Variants in HENMT1 observed in about 807,000 individuals in gnomAD.
HENMT1 encodes the protein HEN methyltransferase 1, also known as small RNA 2'-O-methyltransferase.
A neutral mutation model predicts 31.1 loss-of-function variants in HENMT1; 27 were observed. The ratio of observed to expected loss-of-function variants is 0.87; its 90% CI spans 0.64 to 1.20. HENMT1 has a LOEUF of 1.20. Among genes scored for constraint, HENMT1 ranks in the 50% most tolerant of loss-of-function variants. The pLI is 0.00. For missense variants in HENMT1, 438 were observed against 469.6 expected, an observed-to-expected ratio of 0.93 and a Z score of 0.62; for synonymous variants, 167 against 172.2, an observed-to-expected ratio of 0.97 and a Z score of 0.24.
At position 108,648,854 on chromosome 1, in the gene HENMT1, A is replaced by G. The variant is rs1280921938; in HGVS notation, c.894T>C (p.Gly298=). 1 of 1,613,868 alleles carries G rather than the reference A, an allele frequency of 6.2e-7. No homozygotes were observed. Among genetic ancestry groups the G allele is most frequent in the Non-Finnish European group, 8.5e-7 (1 of 1,180,000 alleles). Residue 298 remains glycine, a synonymous_variant, in exon 8 of 8, where the codon GGT becomes GGC. Transcript: ENST00000651461. ...PRRKEQAGER[G]DKPKDIGGSK... is the part of the protein sequence containing the mutation. ...AGCCACCAATGTCTTTGGGCTTATC[A>G]CCCCGTTCCCCAGCCTGTTCTTTCC...
At chr1:108,650,026 C>A (rs762116670) in intron 7 of HENMT1, 185 bp downstream of exon 7, 2 of 692,220 alleles carry the variant, frequency 2.9e-6, no homozygotes, top group Non-Finnish European at 5.3e-6. Context: ...AAAGGCCAGG[C>A]AGTCTCAAAG....
intron 3 of HENMT1, among the ~76,000 whole-genome samples, chr1:108,656,066 A>G (rs1048717139): frequency 6.6e-6 from 1 of 152,192 alleles, no homozygotes; most frequent in African/African-American, 2.4e-5. Context: ...TATTCTCAGC[A>G]TATTTCAGCA....
Position 108,657,415 on chromosome 1 carries a change from C to A in HENMT1, c.150+36G>T, listed in dbSNP as rs757915482. ...CACCTCATATGACTAGTCTACTAGTCTTAATAATTAAATGTTTGGAAAGAG... is the reference window on the plus strand; with the variant it reads ...CACCTCATATGACTAGTCTACTAGTATTAATAATTAAATGTTTGGAAAGAG... On this transcript the variant is annotated intron_variant, in intron 3 of 7. Coordinates refer to ENST00000651461, the MANE Select transcript of HENMT1 (RefSeq NM_001102592.2). The A allele has an allele frequency of 4.0e-6, 6 of 1,515,458 alleles. No homozygotes were observed. In the South Asian group the frequency reaches 5.7e-5, roughly 14 times the overall value. The allele number at this position is 1,515,458 out of a possible 1,614,324, so 93.9% of individuals were successfully genotyped here.
chr1:108,660,841 A>G lies in HENMT1; in HGVS notation c.-79+122T>C, dbSNP rs1457521290. ...TGGGAGGCTGAGGCAGGAGAATGGC[A>G]TGAACCCGGGAGGCGGAGCTTGCAG... On this transcript the variant is annotated intron_variant, in intron 1 of 7. Transcript: ENST00000651461. 145 of 288,140 alleles carry G rather than the reference A, an allele frequency of 5.0e-4. 1 individual carries two copies. The highest frequency in any genetic ancestry group is 1.4e-3 in the Admixed American group (22 of 15,350). 17.8% of individuals were successfully genotyped at this position (288,140 alleles called of 1,614,324 possible).
At position 108,653,919 on chromosome 1, in the gene HENMT1, T is replaced by C. The variant is rs1658137201; in HGVS notation, c.398+797A>G. Among the ~76,000 whole-genome samples, 3 of 152,220 alleles carry C rather than the reference T, an allele frequency of 2.0e-5. No homozygotes were observed. The South Asian group carries it at 6.2e-4, about 31-fold the overall frequency. The stretch of plus-strand genomic sequence containing the variant: ...TTTCATATATTCCCATTTGTGTATT[T>C]CTGTTTGTAGCCTGTGCTTTTGTAG... On this transcript the variant is annotated intron_variant, in intron 5 of 7. Transcript: ENST00000651461.
intron 7 of HENMT1, among the ~76,000 whole-genome samples, 190 bp from the exon 8 acceptor site, chr1:108,649,181 G>A (rs766778906): frequency 5.3e-5 from 8 of 151,998 alleles, no homozygotes; most frequent in Non-Finnish European, 7.4e-5. Context: ...TTAACTATCC[G>A]ATTTGCTTTC....
rs772151366 is a variant in HENMT1 at position 108,648,646 on chromosome 1, C to G, written c.1102G>C (p.Asp368His). ...NEEMMRSVIA[D>H]SIPLSSDGSA... is the part of the protein sequence containing the mutation. ...CCATCACTGCTCAGAGGAATTGAGT[C>G]AGCAATGACTGATCTCATCATCTCT... The change falls in exon 8 of 8, where the codon GAC becomes CAC. Residue 368 changes from aspartate (D) to histidine (H), a missense_variant. By Grantham distance (81) the Asp-to-His change is moderately conservative. Coordinates refer to ENST00000651461, the MANE Select transcript of HENMT1 (RefSeq NM_001102592.2). 8 of 1,614,090 alleles carry G rather than the reference C, an allele frequency of 5.0e-6. No homozygotes were observed. In the African/African-American group the frequency reaches 1.1e-4, roughly 22 times the overall value.
intron 5 of HENMT1, among the ~76,000 whole-genome samples, chr1:108,652,534 CA>C (rs1461038899): frequency 6.6e-6 from 1 of 152,086 alleles, no homozygotes; most frequent in East Asian, 1.9e-4. Flanking sequence ...TAAATGTTAC[CA>C]AAACCGGGTC....
chr1:108,658,134 T>TATA lies in HENMT1; in HGVS notation c.22-556_22-555insTAT, dbSNP rs1491518690. ...ACACACACACATATATATATATATA[T>TATA]TTTTTTTTTCCCCCCAAGACGGAGT... On this transcript the variant is annotated intron_variant, in intron 2 of 7. Coordinates refer to ENST00000651461, the MANE Select transcript of HENMT1 (RefSeq NM_001102592.2). 2.5e-3 allele frequency among the ~76,000 whole-genome samples: 289 copies of TATA among 115,500 alleles called. 6 individuals carry two copies. Among genetic ancestry groups the TATA allele is most frequent in the African/African-American group, 9.9e-3 (272 of 27,520 alleles). The allele number at this position is 115,500 out of a possible 152,430, so 75.8% of individuals were successfully genotyped here.
chr1:108,653,703 T>G (rs949170754), intron 5 of HENMT1, among the ~76,000 whole-genome samples: 3 of 152,260 alleles, frequency 2.0e-5, no homozygotes, highest in Non-Finnish European at 2.9e-5. Context: ...TTTCATCTAC[T>G]TGTTAACCAT....
At chr1:108,654,374 C>T (rs562664321) in intron 5 of HENMT1, among the ~76,000 whole-genome samples, 2 of 151,852 alleles carry the variant, frequency 1.3e-5, no homozygotes, top group African/African-American at 2.4e-5. Flanking sequence ...CATGTGTATA[C>T]CCTTAATTGA....
At chr1:108,657,341 T>C (rs144348907) in intron 3 of HENMT1, 110 bp downstream of exon 3, 3 of 733,422 alleles carry the variant, frequency 4.1e-6, no homozygotes, top group East Asian at 2.6e-5. Flanking sequence ...TTCTCCCTAT[T>C]GCAATAACCC....
chr1:108,655,751 G>A (rs1166846031), intron 3 of HENMT1, 53 bp from the exon 4 acceptor site: 1 of 1,251,654 alleles, frequency 8.0e-7, no homozygotes, highest in African/African-American at 1.5e-5. Context: ...AGAGAAGTAT[G>A]ATCAAAAACT....
At chr1:108,649,372 A>G (rs1335850279) in intron 7 of HENMT1, 2 of 459,472 alleles carry the variant, frequency 4.4e-6, no homozygotes, top group Admixed American at 4.7e-5. Context: ...AAGATGGGGC[A>G]GGAGGATTGC....
intron 7 of HENMT1, among the ~76,000 whole-genome samples, chr1:108,649,667 T>G (rs1036380239): frequency 2.0e-5 from 3 of 152,180 alleles, no homozygotes; most frequent in Admixed American, 6.6e-5. Context: ...TCTTCTTCTC[T>G]CTTTAAACCA....
chr1:108,652,693 C>T lies in HENMT1; in HGVS notation c.399-1484G>A, dbSNP rs533147363. 7.9e-5 allele frequency among the ~76,000 whole-genome samples: 12 copies of T among 152,210 alleles called. No individual in the cohort carries two copies. In the South Asian group the frequency reaches 1.0e-3, roughly 13 times the overall value. ...GGCACAGTGGCTCACGCCTGTAATA[C>T]CAGCACTTTGGGAGGCCGAGGTGGG... On this transcript the variant is annotated intron_variant, in intron 5 of 7. Transcript: ENST00000651461.
rs61122468 is a variant in HENMT1 at position 108,655,848 on chromosome 1, TACACACACAC to T, written c.151-160_151-151del. ...GAAGGATCTTTTTGGCAGAAGATGC[TACACACACAC>T]ACACACACACACACACACACACACA... On this transcript the variant is annotated intron_variant, in intron 3 of 7. Coordinates refer to ENST00000651461, the MANE Select transcript of HENMT1 (RefSeq NM_001102592.2). The T allele has an allele frequency of 4.2e-3, 972 of 233,952 alleles. 10 individuals carry two copies. Among genetic ancestry groups the T allele is most frequent in the African/African-American group, 0.018 (746 of 40,634 alleles). The allele number at this position is 233,952 out of a possible 1,614,324, so 14.5% of individuals were successfully genotyped here. A position where few individuals can be genotyped will look rare whatever the true frequency, so the allele number is the denominator to read the frequency against.
At position 108,648,949 on chromosome 1, in the gene HENMT1, A is replaced by G. The variant is rs1292827317; in HGVS notation, c.799T>C (p.Phe267Leu). 1.2e-6 allele frequency: 2 copies of G among 1,612,002 alleles called. No homozygotes were observed. The highest frequency in any genetic ancestry group is 1.7e-6 in the Non-Finnish European group (2 of 1,178,570). Reference protein sequence around the residue: ...SYPSLQQERFFKLVLVNEVSQ... With the variant: ...SYPSLQQERFLKLVLVNEVSQ... Reference sequence around the variant, plus strand: ...ACCTCATTAACCAACACAAGTTTAAAGAACCTTTCCTGCTGTAAGCTTGGG... The same window carrying G: ...ACCTCATTAACCAACACAAGTTTAAGGAACCTTTCCTGCTGTAAGCTTGGG... The change falls in exon 8 of 8, where the codon TTT becomes CTT. Residue 267 changes from phenylalanine to leucine, a missense_variant. By Grantham distance (22) the Phe-to-Leu change is conservative. Coordinates refer to ENST00000651461, the MANE Select transcript of HENMT1 (RefSeq NM_001102592.2).
intron 1 of HENMT1, among the ~76,000 whole-genome samples, chr1:108,660,671 T>C (rs914080298): frequency 6.6e-6 from 1 of 152,106 alleles, no homozygotes; most frequent in Non-Finnish European, 1.5e-5. Flanking sequence ...ACGCCTGTAA[T>C]CCCAGCACTT....
Sources: allele counts gnomAD v4.1 joint callset (sites outside exome capture counted in the v4.1 genomes callset), GRCh38; gene constraint gnomAD v4.1.1; transcripts MANE v1.5; gene names NCBI Gene and HGNC (gene_info 2026-07-23, HGNC 2026-07-21).